LRMDA: variants seen among roughly 807,000 people sequenced by gnomAD.
LRMDA encodes the protein leucine-rich melanocyte differentiation-associated protein.
Under a neutral mutation model 29.8 loss-of-function variants are expected in LRMDA, and 18 were observed. The observed-to-expected ratio is 0.60, with a 90% CI of 0.42 to 0.90. The LOEUF (loss-of-function observed/expected upper bound fraction) is 0.90, where lower values mean the gene tolerates loss of function less well. Ranked by LOEUF, LRMDA falls within the 40% of genes least tolerant of loss-of-function variation. The pLI, the probability that LRMDA is intolerant of heterozygous loss-of-function variation, is 0.00. For synonymous variants in LRMDA, 125 were observed against 109.4 expected, an observed-to-expected ratio of 1.14 and a Z score of -0.89; for missense variants, 273 against 273.9, an observed-to-expected ratio of 1.00 and a Z score of 0.02.
At position 76,003,177 on chromosome 10, in the gene LRMDA, G is replaced by A. The variant is rs572746211; in HGVS notation, c.132-32831G>A. Reference sequence around the variant, plus strand: ...CAGGGAGCGCCACCCCTGGCTGCGAGAATTGGTGGGCAGTGATATGGCAAC... The same window carrying A: ...CAGGGAGCGCCACCCCTGGCTGCGAAAATTGGTGGGCAGTGATATGGCAAC... On this transcript the variant is annotated intron_variant, in intron 2 of 6. Transcript: ENST00000611255. Among the ~76,000 whole-genome samples, 7 of 152,276 alleles carry A rather than the reference G, an allele frequency of 4.6e-5. No individual in the cohort carries two copies. The East Asian group carries it at 1.4e-3, about 29-fold the overall frequency.
chr10:75,923,551 T>C (rs1406124842), intron 2 of LRMDA, among the ~76,000 whole-genome samples: 2 of 152,146 alleles, frequency 1.3e-5, no homozygotes, highest in African/African-American at 2.4e-5. Context: ...TTCCCGTGAT[T>C]CCCCCTTTCC....
At chr10:75,811,839 A>G (rs754360954) in intron 2 of LRMDA, among the ~76,000 whole-genome samples, 1 of 152,164 alleles carries the variant, frequency 6.6e-6, no homozygotes, top group African/African-American at 2.4e-5. Context: ...TGTTGTGGAC[A>G]TGCATTTTTC....
chr10:76,305,943 C>G (rs778922084), intron 5 of LRMDA, among the ~76,000 whole-genome samples: 2 of 152,146 alleles, frequency 1.3e-5, no homozygotes, highest in Non-Finnish European at 2.9e-5. Flanking sequence ...GACTTTCCAT[C>G]TATTAAACTA....
chr10:76,211,895 C>T (rs1003028988), intron 5 of LRMDA, among the ~76,000 whole-genome samples: 5 of 152,178 alleles, frequency 3.3e-5, no homozygotes, highest in Non-Finnish European at 5.9e-5. Flanking sequence ...TACTGAGATT[C>T]TCCCTGGTGC....
intron 2 of LRMDA, among the ~76,000 whole-genome samples, chr10:75,808,459 A>C (rs1351959482): frequency 6.6e-6 from 1 of 152,228 alleles, no homozygotes; most frequent in Non-Finnish European, 1.5e-5. Context: ...TTTCTTTTCT[A>C]TACATAGCTA....
intron 2 of LRMDA, among the ~76,000 whole-genome samples, chr10:75,493,636 G>A (rs776366080): frequency 1.3e-5 from 2 of 152,070 alleles, no homozygotes; most frequent in Non-Finnish European, 2.9e-5. Flanking sequence ...GGCACCTCCT[G>A]GAACACTGGC....
chr10:75,769,336 A>C (rs567379322), intron 2 of LRMDA, among the ~76,000 whole-genome samples: 7 of 152,338 alleles, frequency 4.6e-5, no homozygotes, highest in African/African-American at 9.6e-5. Flanking sequence ...TAATTGCAAC[A>C]TGTTCTACAC....
intron 4 of LRMDA, among the ~76,000 whole-genome samples, chr10:76,057,114 A>G (rs1339636011): frequency 6.6e-6 from 1 of 152,194 alleles, no homozygotes; most frequent in East Asian, 1.9e-4. Context: ...GGGTTGCCTT[A>G]AGGTGTGGTT....
At chr10:75,902,505 T>TATCTGAATGTTTAC (rs56166707) in intron 2 of LRMDA, among the ~76,000 whole-genome samples, 90,749 of 151,544 alleles carry the variant, frequency 0.6, 30,011 homozygotes, top group African/African-American at 0.88. Context: ...TGCTTTGGGG[T>TATCTGAATGTTTAC]ATCTAGAGCT....
chr10:75,765,519 T>A (rs1406732288), intron 2 of LRMDA, among the ~76,000 whole-genome samples: 1 of 152,178 alleles, frequency 6.6e-6, no homozygotes, highest in Non-Finnish European at 1.5e-5. Context: ...CACATGGCAA[T>A]TTAAAAACTA....
chr10:76,548,312 G>T (rs1372000065), intron 6 of LRMDA, among the ~76,000 whole-genome samples: 1 of 152,060 alleles, frequency 6.6e-6, no homozygotes, highest in Non-Finnish European at 1.5e-5. Flanking sequence ...TACTTACAAA[G>T]AAAAGTTTAC....
chr10:75,817,739 T>C (rs1365982433), intron 2 of LRMDA, among the ~76,000 whole-genome samples: 1 of 152,186 alleles, frequency 6.6e-6, no homozygotes, highest in Non-Finnish European at 1.5e-5. Flanking sequence ...ATTGGAATGA[T>C]ACAATTAGGA....
At chr10:75,993,357 C>G (rs1014937073) in intron 2 of LRMDA, among the ~76,000 whole-genome samples, 4 of 152,132 alleles carry the variant, frequency 2.6e-5, no homozygotes, top group African/African-American at 9.7e-5. Context: ...ATCATCATAA[C>G]CTGGCAGGCA....
At chr10:76,447,754 T>C (rs1366621946) in intron 6 of LRMDA, among the ~76,000 whole-genome samples, 1 of 152,214 alleles carries the variant, frequency 6.6e-6, no homozygotes, top group Admixed American at 6.5e-5. Flanking sequence ...ACGAGTTTTA[T>C]GCTGTGAGTC....
chr10:75,915,842 C>A (rs9804225), intron 2 of LRMDA, among the ~76,000 whole-genome samples: 16,206 of 152,140 alleles, frequency 0.11, 1,816 homozygotes, highest in East Asian at 0.35. Flanking sequence ...AGCTAGAATA[C>A]CAGGCCAGTG....
At chr10:75,802,454 C>G (rs1251893936) in intron 2 of LRMDA, among the ~76,000 whole-genome samples, 1 of 152,110 alleles carries the variant, frequency 6.6e-6, no homozygotes, top group African/African-American at 2.4e-5. Flanking sequence ...TAGCCACATA[C>G]CTAGCTGTGT....
intron 2 of LRMDA, among the ~76,000 whole-genome samples, chr10:75,618,485 A>T (rs1283710545): frequency 1.1e-4 from 14 of 130,244 alleles, no homozygotes; most frequent in Non-Finnish European, 1.6e-4. Flanking sequence ...TATATATATT[A>T]ACTATATATA....
intron 2 of LRMDA, among the ~76,000 whole-genome samples, chr10:75,712,448 G>A (rs1402213485): frequency 5.5e-4 from 84 of 152,018 alleles, no homozygotes; most frequent in African/African-American, 1.7e-3. Flanking sequence ...GGGGCGGTTG[G>A]GGGGGTGGTG....
intron 2 of LRMDA, among the ~76,000 whole-genome samples, chr10:75,605,196 A>T (rs1840940791): frequency 6.6e-6 from 1 of 152,232 alleles, no homozygotes; most frequent in Non-Finnish European, 1.5e-5. Context: ...AGAGACTTGA[A>T]TTCTAAATCA....
Sources: gnomAD v4.1 joint callset for allele counts (sites outside exome capture counted in the v4.1 genomes callset) on GRCh38, gnomAD v4.1.1 for gene constraint, MANE v1.5 for transcripts, NCBI Gene and HGNC (gene_info 2026-07-23, HGNC 2026-07-21) for gene names.